KIF13A: variants seen among roughly 807,000 people sequenced by gnomAD.
KIF13A encodes the protein kinesin-like protein KIF13A.
Under a neutral mutation model 212.2 loss-of-function variants are expected in KIF13A, and 79 were observed. That is an observed-to-expected ratio of 0.37 (90% CI 0.31 to 0.45). The LOEUF is 0.45. KIF13A is among the 20% of genes least tolerant of loss of function. The pLI is 1.00. For synonymous variants in KIF13A, 789 were observed against 808.6 expected, an observed-to-expected ratio of 0.98 and a Z score of 0.41; for missense variants, 1,901 against 2,209.0, an observed-to-expected ratio of 0.86 and a Z score of 2.79.
At chr6:17,860,069 C>G (rs141892048) in intron 4 of KIF13A, among the ~76,000 whole-genome samples, 123 of 152,248 alleles carry the variant, frequency 8.1e-4, no homozygotes, top group African/African-American at 2.7e-3. Context: ...TCCCTACTGT[C>G]AAGGCTGATT....
In KIF13A at chr6:17,789,435, G is replaced by C. The variant is rs576899984; in HGVS notation, c.3261+437C>G. 6.6e-6 allele frequency among the ~76,000 whole-genome samples: 1 copy of C among 152,300 alleles called. No individual in the cohort carries two copies. The highest frequency in any genetic ancestry group is 2.1e-4 in the South Asian group (1 of 4,826). ...TATTAGCTCTTGGATGTAAGGAGCA[G>C]AATGCACTTTAGCATGGGAAAGATA... On this transcript the variant is annotated intron_variant, in intron 26 of 38. Coordinates refer to ENST00000259711, the MANE Select transcript of KIF13A (RefSeq NM_022113.6). The surrounding 1 kb of genome is among the most constrained non-coding windows in gnomAD (Gnocchi z 4.8).
chr6:17,986,797 G>C (rs962188447), intron 2 of KIF13A, among the ~76,000 whole-genome samples: 1 of 152,238 alleles, frequency 6.6e-6, no homozygotes, highest in Non-Finnish European at 1.5e-5. Context: ...CTCCCTCCCG[G>C]GTGCCTCGCA....
chr6:17,869,806 C>T (rs1217433274), intron 4 of KIF13A, among the ~76,000 whole-genome samples: 1 of 152,220 alleles, frequency 6.6e-6, no homozygotes, highest in Non-Finnish European at 1.5e-5. Flanking sequence ...ATGCACTTAT[C>T]TTTCTCTGTC....
rs191653700 is a variant in KIF13A at position 17,886,911 on chromosome 6, G to A, written c.159+11257C>T. Among the ~76,000 whole-genome samples the A allele has an allele frequency of 2.0e-5, 3 of 152,166 alleles. No homozygotes were observed. Among genetic ancestry groups the A allele is most frequent in the Admixed American group, 6.5e-5 (1 of 15,268 alleles). On this transcript the variant is annotated intron_variant, in intron 3 of 38. Coordinates refer to ENST00000259711, the MANE Select transcript of KIF13A (RefSeq NM_022113.6). This position sits in a 1 kb window ranked among gnomAD's most constrained non-coding sequence, Gnocchi z 5.6. ...AAGAGGAAAAAAAAAAAAGTCTTGGGAAATTTTTAGAAGGATGATTTATAA... is the reference window on the plus strand; with the variant it reads ...AAGAGGAAAAAAAAAAAAGTCTTGGAAAATTTTTAGAAGGATGATTTATAA...
Position 17,871,819 on chromosome 6 carries a change from G to C in KIF13A, c.220+1558C>G, listed in dbSNP as rs1464266725. ...AGGAAGATATATATGGCTGCATCTT[G>C]AGTAACATAAATTGAACACGGTTAA... On this transcript the variant is annotated intron_variant, in intron 4 of 38. Transcript: ENST00000259711. This position sits in a 1 kb window ranked among gnomAD's most constrained non-coding sequence, Gnocchi z 4.4. Among the ~76,000 whole-genome samples, 2 of 152,208 alleles carry C rather than the reference G, an allele frequency of 1.3e-5. No homozygotes were observed. The highest frequency in any genetic ancestry group is 3.8e-4 in the East Asian group (2 of 5,204).
Position 17,883,232 on chromosome 6 carries a change from A to G in KIF13A, c.160-9795T>C, listed in dbSNP as rs1194088871. 6.6e-6 allele frequency among the ~76,000 whole-genome samples: 1 copy of G among 152,186 alleles called. No individual in the cohort carries two copies. The highest frequency in any genetic ancestry group is 1.9e-4 in the East Asian group (1 of 5,202). On this transcript the variant is annotated intron_variant, in intron 3 of 38. Coordinates refer to ENST00000259711, the MANE Select transcript of KIF13A (RefSeq NM_022113.6). The surrounding 1 kb of genome is among the most constrained non-coding windows in gnomAD (Gnocchi z 4.8). ...TGCAGGGGCATGTGCCTATAGTCCC[A>G]GATACTCAGGAGGCTGAAGCAAGAG... is the stretch of plus-strand genomic sequence containing the variant.
At position 17,764,813 on chromosome 6, in the gene KIF13A, G is replaced by C; in HGVS notation, c.4715C>G (p.Ser1572Cys). Residue 1572 changes from serine to cysteine, a missense_variant, in exon 39 of 39, where the codon TCT becomes TGT. Physicochemically the swap from Ser to Cys is moderately radical, Grantham distance 112. Around this residue, in one of 5 missense-constraint regions of KIF13A, gnomAD observed 687 missense variants for 759.1 expected, o/e 0.90. Coordinates refer to ENST00000259711, the MANE Select transcript of KIF13A (RefSeq NM_022113.6). This position sits in a 1 kb window ranked among gnomAD's most constrained non-coding sequence, Gnocchi z 5.1. ...ASLENREWFSSKVDLSNSRVL... is the reference protein window; with the variant it reads ...ASLENREWFSCKVDLSNSRVL... The stretch of plus-strand genomic sequence containing the variant: ...CCGTGAGTTTGACAGATCTACTTTA[G>C]AGGAAAACCATTCCCTGTTCTCCAA... The C allele has an allele frequency of 6.2e-7, 1 of 1,613,494 alleles. No individual in the cohort carries two copies. Among genetic ancestry groups the C allele is most frequent in the Non-Finnish European group, 8.5e-7 (1 of 1,179,668 alleles).
At chr6:17,836,798 T>C (rs1196823399) in intron 11 of KIF13A, 80 bp downstream of exon 11, 4 of 1,250,610 alleles carry the variant, frequency 3.2e-6, no homozygotes, top group Admixed American at 1.8e-5. Context: ...TGACCTACAA[T>C]TGCAAATGAG....
intron 16 of KIF13A, chr6:17,821,924 C>G: frequency 1.3e-6 from 2 of 1,534,954 alleles, no homozygotes; most frequent in Non-Finnish European, 1.7e-6. Context: ...AGAGGGGAAT[C>G]ACAGTGAACA....
intron 2 of KIF13A, among the ~76,000 whole-genome samples, chr6:17,943,389 G>C (rs912864506): frequency 1.3e-5 from 2 of 148,476 alleles, no homozygotes; most frequent in African/African-American, 2.5e-5. Context: ...GGAAAGTTTG[G>C]TAAAACACAG....
At chr6:17,922,123 C>T (rs1286956489) in intron 2 of KIF13A, among the ~76,000 whole-genome samples, 4 of 152,074 alleles carry the variant, frequency 2.6e-5, no homozygotes, top group Non-Finnish European at 5.9e-5. Context: ...GAGGGCTCAT[C>T]GACAAGATCC....
chr6:17,866,809 G>T, intron 4 of KIF13A, among the ~76,000 whole-genome samples: 1 of 128,564 alleles, frequency 7.8e-6, no homozygotes, highest in African/African-American at 3.1e-5. Context: ...TGAGTAAAGG[G>T]GAGAACAAAA....
At chr6:17,975,159 CAT>C (rs1291711553) in intron 2 of KIF13A, among the ~76,000 whole-genome samples, 3 of 152,104 alleles carry the variant, frequency 2.0e-5, no homozygotes, top group East Asian at 3.9e-4. Context: ...GCCTGGCCAA[CAT>C]AGTGAAACCC....
chr6:17,943,799 A>G (rs946992641), intron 2 of KIF13A, among the ~76,000 whole-genome samples: 9 of 152,178 alleles, frequency 5.9e-5, no homozygotes, highest in Admixed American at 6.5e-5. Context: ...AGTGCGTGGC[A>G]TGCAACTGGG....
intron 25 of KIF13A, among the ~76,000 whole-genome samples, chr6:17,790,858 A>C (rs747362571): frequency 6.6e-6 from 1 of 152,238 alleles, no homozygotes; most frequent in African/African-American, 2.4e-5. Flanking sequence ...TCTATTGACC[A>C]TAACAATCAC....
chr6:17,860,688 TG>T (rs1768680012), intron 4 of KIF13A, among the ~76,000 whole-genome samples: 1 of 151,892 alleles, frequency 6.6e-6, no homozygotes, highest in East Asian at 1.9e-4. Context: ...AGAAGACTGT[TG>T]TACTCCAGCC....
At chr6:17,889,571 TCTTA>T (rs1771854860) in intron 3 of KIF13A, among the ~76,000 whole-genome samples, 1 of 152,244 alleles carries the variant, frequency 6.6e-6, no homozygotes, top group Admixed American at 6.5e-5. Context: ...GATTCTTTCT[TCTTA>T]CTCTTTCCTT....
chr6:17,841,205 T>G (rs1418639048), intron 9 of KIF13A, among the ~76,000 whole-genome samples: 5 of 151,870 alleles, frequency 3.3e-5, no homozygotes, highest in African/African-American at 1.2e-4. Flanking sequence ...CCTGAGTAGC[T>G]GGAACTACAG....
At chr6:17,952,337 T>C (rs549451151) in intron 2 of KIF13A, among the ~76,000 whole-genome samples, 7 of 150,820 alleles carry the variant, frequency 4.6e-5, no homozygotes, top group Non-Finnish European at 1.0e-4. Flanking sequence ...ATAATTTATA[T>C]TAAGAAAATA....
Sources: gnomAD v4.1 joint callset for allele counts (sites outside exome capture counted in the v4.1 genomes callset) on GRCh38, gnomAD v4.1.1 for gene constraint, gnomAD v4.1.1 regional missense constraint, Gnocchi (gnomAD v3.1) non-coding constraint, MANE v1.5 for transcripts, NCBI Gene and HGNC (gene_info 2026-07-23, HGNC 2026-07-21) for gene names.